The following RBM41 variants were observed in gnomAD, a reference collection of about 807,000 sequenced individuals.
The protein encoded by RBM41 is RNA binding motif protein 41, also known as RNA-binding protein 41.
In RBM41, 14 loss-of-function variants were observed where a neutral mutation model predicts 30.8. That is an observed-to-expected ratio of 0.45 (90% CI 0.30 to 0.71). The LOEUF (loss-of-function observed/expected upper bound fraction) is 0.71, where lower values mean the gene tolerates loss of function less well. Ranked by LOEUF, RBM41 falls within the 30% of genes least tolerant of loss-of-function variation. RBM41 has a pLI of 0.08. For missense variants in RBM41, 276 were observed against 326.3 expected, an observed-to-expected ratio of 0.85 and a Z score of 1.19; for synonymous variants, 120 against 110.1, an observed-to-expected ratio of 1.09 and a Z score of -0.56.
chrX:107,089,395 GTTGT>G (rs1922323277), intron 5 of RBM41, among the ~76,000 whole-genome samples: 2 of 111,814 alleles, frequency 1.8e-5, no homozygotes, highest in African/African-American at 3.3e-5. Flanking sequence ...TTCTGATGGT[GTTGT>G]TTAACTTGTT....
intron 5 of RBM41, among the ~76,000 whole-genome samples, chrX:107,111,482 G>T (rs1327191568): frequency 9.0e-6 from 1 of 110,987 alleles, no homozygotes; most frequent in East Asian, 2.8e-4. Flanking sequence ...AAACTGATAT[G>T]GCAGTTTCTC....
At chrX:107,058,778 C>T (rs1602530394), downstream of RBM41, among the ~76,000 whole-genome samples, 1 of 111,661 alleles carries the variant, frequency 9.0e-6, no homozygotes, top group East Asian at 2.8e-4. Context: ...AATTTGGAGG[C>T]TGTACATCTG....
At chrX:107,087,349 TCAAA>T (rs1381967536) in intron 6 of RBM41, among the ~76,000 whole-genome samples, 2 of 111,113 alleles carry the variant, frequency 1.8e-5, no homozygotes, top group African/African-American at 6.6e-5. Flanking sequence ...ATTCAATCAG[TCAAA>T]CAAACTGTTT....
At position 107,065,008 on chromosome X, in the gene RBM41, T is replaced by A. The variant is rs1229103021; in HGVS notation, c.*2519A>T. ...TCCTGATGTATTGACCCTTTTATCA[T>A]TGTAACATTTTACTCTTTATCTCCA... On this transcript the variant is annotated 3_prime_UTR_variant, in exon 8 of 8. Coordinates refer to ENST00000685964, the MANE Select transcript of RBM41 (RefSeq NM_001324242.2). 8.9e-6 allele frequency: 1 copy of A among 112,171 alleles called. No individual in the cohort carries two copies. Among genetic ancestry groups the A allele is most frequent in the East Asian group, 2.8e-4 (1 of 3,581 alleles). 9.2% of individuals were successfully genotyped at this position (112,171 alleles called of 1,213,427 possible).
chrX:107,083,657 C>T (rs1292124367), intron 6 of RBM41, among the ~76,000 whole-genome samples: 1 of 110,486 alleles, frequency 9.1e-6, no homozygotes, highest in African/African-American at 3.3e-5. Context: ...TTACTGATTC[C>T]TTCCTTGGCT....
intron 6 of RBM41, among the ~76,000 whole-genome samples, chrX:107,084,718 G>T (rs1454859710): frequency 9.0e-6 from 1 of 111,513 alleles, no homozygotes; most frequent in African/African-American, 3.3e-5. Flanking sequence ...GCAAATCTGG[G>T]ATGTGATTTT....
At chrX:107,107,538 G>A (rs1023338058) in intron 5 of RBM41, among the ~76,000 whole-genome samples, 4 of 111,831 alleles carry the variant, frequency 3.6e-5, no homozygotes, top group Admixed American at 2.8e-4. Flanking sequence ...TAACAGAGAC[G>A]AGAAAGTTGT....
intron 6 of RBM41, among the ~76,000 whole-genome samples, chrX:107,084,774 G>A (rs1921866970): frequency 8.9e-6 from 1 of 111,892 alleles, no homozygotes; most frequent in African/African-American, 3.2e-5. Flanking sequence ...AGTTTGCCCT[G>A]TGACTTAAAT....
downstream of RBM41, among the ~76,000 whole-genome samples, chrX:107,060,023 T>C (rs1344355683): frequency 9.0e-6 from 1 of 110,929 alleles, no homozygotes; most frequent in Non-Finnish European, 1.9e-5. Context: ...CTGGAACATC[T>C]TGTGGTACCA....
intron 6 of RBM41, among the ~76,000 whole-genome samples, chrX:107,084,490 T>C (rs143640815): frequency 0.025 from 2,797 of 111,694 alleles, 99 homozygotes; most frequent in African/African-American, 0.086. Context: ...TTAAAAATGA[T>C]GTTTCCTCTC....
At chrX:107,105,654 T>C (rs985262142) in intron 5 of RBM41, among the ~76,000 whole-genome samples, 7 of 111,446 alleles carry the variant, frequency 6.3e-5, no homozygotes, top group Non-Finnish European at 1.3e-4. Flanking sequence ...AGCATGGTAC[T>C]GGTACCAAAA....
At chrX:107,072,815 T>C (rs772337295) in intron 6 of RBM41, among the ~76,000 whole-genome samples, 1 of 111,038 alleles carries the variant, frequency 9.0e-6, no homozygotes, top group East Asian at 2.8e-4. Flanking sequence ...TGGAACAGAA[T>C]AGGGAACTCA....
intron 5 of RBM41, among the ~76,000 whole-genome samples, chrX:107,099,370 G>C (rs1923250907): frequency 9.0e-6 from 1 of 111,534 alleles, no homozygotes; most frequent in South Asian, 3.8e-4. Context: ...TGGTTATTTT[G>C]TCTTTAAAGT....
rs1462236081 is a variant in RBM41 at position 107,066,977 on chromosome X, A to C, written c.*550T>G. The C allele has an allele frequency of 1.3e-6, 1 of 745,783 alleles. No homozygotes were observed. Among genetic ancestry groups the C allele is most frequent in the African/African-American group, 2.3e-5 (1 of 42,941 alleles). The allele number at this position is 745,783 out of a possible 1,213,427, so 61.5% of individuals were successfully genotyped here. A position where few individuals can be genotyped will look rare whatever the true frequency, so the allele number is the denominator to read the frequency against. ...CTTTTTGAAGACTGATAACTTGTGG[A>C]GGAAGCATTCATTAAATAAGTCAAC... On this transcript the variant is annotated 3_prime_UTR_variant, in exon 8 of 8. Coordinates refer to ENST00000685964, the MANE Select transcript of RBM41 (RefSeq NM_001324242.2).
intron 6 of RBM41, among the ~76,000 whole-genome samples, chrX:107,078,115 T>C (rs933790566): frequency 8.9e-6 from 1 of 111,797 alleles, no homozygotes; most frequent in Non-Finnish European, 1.9e-5. Flanking sequence ...ACAGGAGAAG[T>C]ACAGTTTTGA....
intron 4 of RBM41, 44 bp downstream of exon 4, chrX:107,115,308 T>C: frequency 8.6e-7 from 1 of 1,165,592 alleles, no homozygotes; most frequent in Non-Finnish European, 1.2e-6. Flanking sequence ...GTTTAATCTT[T>C]CTCTCAGTGA....
chrX:107,078,883 C>T (rs1190488221), intron 6 of RBM41, among the ~76,000 whole-genome samples: 1 of 99,183 alleles, frequency 1.0e-5, no homozygotes, highest in Non-Finnish European at 2.1e-5. Context: ...CCCCGAATGT[C>T]AAAAAAAAAA....
chrX:107,117,337 G>A (rs1237213166), intron 1 of RBM41, among the ~76,000 whole-genome samples: 1 of 111,992 alleles, frequency 8.9e-6, no homozygotes, highest in African/African-American at 3.2e-5. Flanking sequence ...AGATGAATGT[G>A]GTTATAATAT....
chrX:107,094,930 C>T (rs1359681141), intron 5 of RBM41, among the ~76,000 whole-genome samples: 3 of 110,770 alleles, frequency 2.7e-5, no homozygotes, highest in Non-Finnish European at 5.7e-5. Context: ...ATTGTTTAAG[C>T]CACTAAATAT....
Sources: gnomAD v4.1 joint callset for allele counts (sites outside exome capture counted in the v4.1 genomes callset) on GRCh38, gnomAD v4.1.1 for gene constraint, MANE v1.5 for transcripts, NCBI Gene and HGNC (gene_info 2026-07-23, HGNC 2026-07-21) for gene names.